The following ADAM7 variants were observed in gnomAD, a reference collection of about 807,000 sequenced individuals.
The protein encoded by ADAM7 is ADAM metallopeptidase domain 7.
In ADAM7, 97 loss-of-function variants were observed where a neutral mutation model predicts 102.9. The observed-to-expected ratio is 0.94, with a 90% CI of 0.80 to 1.12. The LOEUF (loss-of-function observed/expected upper bound fraction) is 1.12, where lower values mean the gene tolerates loss of function less well. Ranked by LOEUF, ADAM7 falls within the 50% of genes most tolerant of loss-of-function variation. The pLI, the probability that ADAM7 is intolerant of heterozygous loss-of-function variation, is 0.00. For missense variants in ADAM7, 991 were observed against 908.7 expected (o/e 1.09, Z -1.16); for synonymous variants, 334 against 304.4 (o/e 1.10, Z -1.01).
intron 3 of ADAM7, among the ~76,000 whole-genome samples, chr8:24,451,103 A>C (rs1231045553): frequency 6.6e-6 from 1 of 152,018 alleles, no homozygotes; most frequent in Non-Finnish European, 1.5e-5. Flanking sequence ...ATATTGGTCT[A>C]AAATTCTCTT....
chr8:24,505,773 A>G (rs1321261883), intron 20 of ADAM7, among the ~76,000 whole-genome samples: 2 of 152,076 alleles, frequency 1.3e-5, no homozygotes, highest in Non-Finnish European at 1.5e-5. Flanking sequence ...TAATTTAGGA[A>G]TTTTTGTATT....
At chr8:24,497,011 A>G (rs1350037075) in intron 16 of ADAM7, among the ~76,000 whole-genome samples, 1 of 152,142 alleles carries the variant, frequency 6.6e-6, no homozygotes, top group Non-Finnish European at 1.5e-5. Flanking sequence ...TTGAATTCCC[A>G]CATTTGTGGG....
At chr8:24,503,085 C>CA (rs998184455) in intron 20 of ADAM7, among the ~76,000 whole-genome samples, 4 of 151,892 alleles carry the variant, frequency 2.6e-5, no homozygotes, top group African/African-American at 9.7e-5. Flanking sequence ...CTTTAACATT[C>CA]AAAAAAGCAA....
intron 3 of ADAM7, among the ~76,000 whole-genome samples, chr8:24,450,225 G>C (rs531628503): frequency 6.6e-6 from 1 of 152,130 alleles, no homozygotes; most frequent in East Asian, 1.9e-4. Flanking sequence ...CATTGAATCT[G>C]TAAGTTACCT....
intron 3 of ADAM7, among the ~76,000 whole-genome samples, chr8:24,453,496 C>T (rs1325242152): frequency 6.6e-6 from 1 of 152,236 alleles, no homozygotes; most frequent in Non-Finnish European, 1.5e-5. Context: ...TGGCTTTCAG[C>T]TCCATCAGCT....
chr8:24,480,943 T>C (rs988298218), intron 8 of ADAM7, among the ~76,000 whole-genome samples: 2 of 152,154 alleles, frequency 1.3e-5, no homozygotes, highest in South Asian at 2.1e-4. Flanking sequence ...GTGCCTGTAG[T>C]TCCAACTACT....
chr8:24,464,730 A>G (rs893068463), intron 4 of ADAM7, among the ~76,000 whole-genome samples: 16 of 151,688 alleles, frequency 1.1e-4, no homozygotes, highest in Non-Finnish European at 1.9e-4. Context: ...CCATCCAAGT[A>G]GCTGTGACTA....
At position 24,508,664 on chromosome 8, in the gene ADAM7, T is replaced by A. The variant is rs1264844451; in HGVS notation, c.*118T>A. On this transcript the variant is annotated 3_prime_UTR_variant, in exon 22 of 22. Transcript: ENST00000175238. ...CACATTTTTGGTAGTGTTTCAAACG[T>A]TCTTTATCCAGACAGACAATGTTTA... 2 of 1,566,328 alleles carry A rather than the reference T, an allele frequency of 1.3e-6. No homozygotes were observed. The highest frequency in any genetic ancestry group is 4.6e-5 in the East Asian group (2 of 43,600).
chr8:24,466,955 G>A lies in ADAM7; in HGVS notation c.546G>A (p.Gly182=). ...ELNFTRKTVP[G]DNESEEDSKI... Reference sequence around the variant, plus strand: ...ATTTTACCAGAAAAACTGTTCCAGGGGATAATGAATCTGAAGAAGACTCCA... The same window carrying A: ...ATTTTACCAGAAAAACTGTTCCAGGAGATAATGAATCTGAAGAAGACTCCA... Residue 182 remains glycine (G), a synonymous_variant, in exon 6 of 22, where the codon GGG becomes GGA. Coordinates refer to ENST00000175238, the MANE Select transcript of ADAM7 (RefSeq NM_003817.4). 1 of 1,613,780 alleles carries A rather than the reference G, an allele frequency of 6.2e-7. No individual in the cohort carries two copies. The highest frequency in any genetic ancestry group is 8.5e-7 in the Non-Finnish European group (1 of 1,179,892).
At chr8:24,496,050 G>A (rs1184288220) in intron 16 of ADAM7, among the ~76,000 whole-genome samples, 1 of 152,122 alleles carries the variant, frequency 6.6e-6, no homozygotes, top group East Asian at 1.9e-4. Context: ...TGGTTTAGTG[G>A]GCCAGGCCCA....
At position 24,508,916 on chromosome 8, in the gene ADAM7, T is replaced by C; in HGVS notation, c.*370T>C. ...TACAGTCTAAGAAGAAAACATTGCATATAAAAAGTTACTTTTTTGGAAACA... is the reference window on the plus strand; with the variant it reads ...TACAGTCTAAGAAGAAAACATTGCACATAAAAAGTTACTTTTTTGGAAACA... On this transcript the variant is annotated 3_prime_UTR_variant, in exon 22 of 22. Transcript: ENST00000175238. 1 of 1,064,992 alleles carries C rather than the reference T, an allele frequency of 9.4e-7. No homozygotes were observed. The highest frequency in any genetic ancestry group is 1.1e-6 in the Non-Finnish European group (1 of 882,694). The allele number at this position is 1,064,992 out of a possible 1,614,324, so 66.0% of individuals were successfully genotyped here.
chr8:24,447,071 C>T, intron 2 of ADAM7, 115 bp from the exon 3 acceptor site: 1 of 487,560 alleles, frequency 2.1e-6, no homozygotes, highest in Non-Finnish European at 3.7e-6. Context: ...TGCATTTTGG[C>T]TGAAAGGACT....
At chr8:24,459,990 T>C (rs1413647043) in intron 3 of ADAM7, among the ~76,000 whole-genome samples, 2 of 152,166 alleles carry the variant, frequency 1.3e-5, no homozygotes, top group Admixed American at 6.5e-5. Context: ...TTATCATTCA[T>C]TTCAAAATAT....
At position 24,482,186 on chromosome 8, in the gene ADAM7, A is replaced by C; in HGVS notation, c.750A>C (p.Glu250Asp). Residue 250 changes from glutamate (E) to aspartate (D), a missense_variant, in exon 9 of 22, where the codon GAA (glutamate) becomes GAC (aspartate). Transcript: ENST00000175238. ...LNIHVTLVGIEIWTHEDKIEL... is the reference protein window; with the variant it reads ...LNIHVTLVGIDIWTHEDKIEL... ...TCCATGTGACGTTGGTTGGCATTGAAATATGGACACATGAAGATAAAATAG... is the reference window on the plus strand; with the variant it reads ...TCCATGTGACGTTGGTTGGCATTGACATATGGACACATGAAGATAAAATAG... The C allele has an allele frequency of 6.2e-7, 1 of 1,602,376 alleles. No homozygotes were observed. The highest frequency in any genetic ancestry group is 2.2e-5 in the East Asian group (1 of 44,650).
chr8:24,450,058 T>C (rs1217104821), intron 3 of ADAM7, among the ~76,000 whole-genome samples: 1 of 152,206 alleles, frequency 6.6e-6, no homozygotes, highest in African/African-American at 2.4e-5. Context: ...TGTAGCCTTG[T>C]AGTGTAGTTT....
In ADAM7 at chr8:24,500,210, G is replaced by T. The variant is rs146462905; in HGVS notation, c.1956G>T (p.Glu652Asp). ...GCCACGGACTCCAGTGCCACTGTGAGGAAGGACAGGCACCTGTAGCCTGTG... is the reference window on the plus strand; with the variant it reads ...GCCACGGACTCCAGTGCCACTGTGATGAAGGACAGGCACCTGTAGCCTGTG... The part of the protein sequence containing the change: ...VDGHGLQCHC[E>D]EGQAPVACEE... The change falls in exon 18 of 22, where the codon GAG (glutamate) becomes GAT (aspartate). Residue 652 changes from glutamate (E) to aspartate (D), a missense_variant. Glu to Asp is a conservative substitution (Grantham distance 45). Coordinates refer to ENST00000175238, the MANE Select transcript of ADAM7 (RefSeq NM_003817.4). 6.6e-5 allele frequency: 107 copies of T among 1,612,156 alleles called. No individual in the cohort carries two copies. In the African/African-American group the frequency reaches 1.2e-3, roughly 19 times the overall value.
rs553434957 is a variant in ADAM7, at chr8:24,507,892, G to A, written c.2264+357G>A. On this transcript the variant is annotated intron_variant, in intron 21 of 21. Coordinates refer to ENST00000175238, the MANE Select transcript of ADAM7 (RefSeq NM_003817.4). ...TTCTTCAAGTATGTTAAAAGACTTCGTAATGTTGGGAATCACAGAAAAGGA... is the reference window on the plus strand; with the variant it reads ...TTCTTCAAGTATGTTAAAAGACTTCATAATGTTGGGAATCACAGAAAAGGA... 4.6e-5 allele frequency among the ~76,000 whole-genome samples: 7 copies of A among 152,158 alleles called. No individual in the cohort carries two copies. The South Asian group carries it at 8.3e-4, about 18-fold the overall frequency.
intron 8 of ADAM7, 103 bp from the exon 9 acceptor site, chr8:24,482,039 A>C (rs943752273): frequency 2.4e-6 from 2 of 842,398 alleles, no homozygotes; most frequent in East Asian, 5.6e-5. Context: ...GTACCTCACA[A>C]GTTCAAATTA....
intron 3 of ADAM7, among the ~76,000 whole-genome samples, chr8:24,455,668 A>G (rs143205224): frequency 1.3e-5 from 2 of 152,204 alleles, no homozygotes; most frequent in Non-Finnish European, 2.9e-5. Flanking sequence ...GGCCTCCCAA[A>G]GTGCTAGGAT....
Sources: allele counts gnomAD v4.1 joint callset (sites outside exome capture counted in the v4.1 genomes callset), GRCh38; gene constraint gnomAD v4.1.1; transcripts MANE v1.5; gene names NCBI Gene and HGNC (gene_info 2026-07-23, HGNC 2026-07-21).